Variants in IMPG2 observed in about 807,000 individuals in gnomAD.
The protein encoded by IMPG2 is IPM 200.
A neutral mutation model predicts 129.2 loss-of-function variants in IMPG2; 91 were observed. That is an observed-to-expected ratio of 0.70 (90% confidence interval 0.59 to 0.84). The LOEUF is 0.84. Ranked by LOEUF, IMPG2 falls within the 40% of genes least tolerant of loss-of-function variation. The probability of loss-of-function intolerance (pLI) is 0.00; values close to 1 mark genes in which losing one functional copy is unlikely to be tolerated. For missense variants in IMPG2, 1,430 were observed against 1,461.7 expected (o/e 0.98, Z 0.35); for synonymous variants, 510 against 517.7 (o/e 0.99, Z 0.20).
chr3:101,315,920 T>C (rs923993560), intron 2 of IMPG2, among the ~76,000 whole-genome samples: 2 of 150,606 alleles, frequency 1.3e-5, no homozygotes, highest in African/African-American at 5.0e-5. Flanking sequence ...CACTATGGTA[T>C]TGGCATAAAA....
At chr3:101,287,870 C>CA (rs1706964865) in intron 4 of IMPG2, among the ~76,000 whole-genome samples, 1 of 152,030 alleles carries the variant, frequency 6.6e-6, no homozygotes, top group African/African-American at 2.4e-5. Flanking sequence ...GCAATTGCAA[C>CA]AAAAACAAAA....
rs1706200114 is a variant in IMPG2 at position 101,224,460 on chromosome 3, T to C, written c.*2509A>G. On this transcript the variant is annotated 3_prime_UTR_variant, in exon 19 of 19. Coordinates refer to ENST00000193391, the MANE Select transcript of IMPG2 (RefSeq NM_016247.4). ...TATATTGCTAGGTTAAGAAGAACGT[T>C]CTAATACTCAGAAAATTTCATTCCT... The C allele has an allele frequency of 6.6e-6, 1 of 152,232 alleles. No homozygotes were observed. Among genetic ancestry groups the C allele is most frequent in the South Asian group, 2.1e-4 (1 of 4,838 alleles). 9.4% of individuals were successfully genotyped at this position (152,232 alleles called of 1,614,324 possible).
intron 8 of IMPG2, among the ~76,000 whole-genome samples, chr3:101,268,915 G>T (rs1329387606): frequency 3.9e-5 from 6 of 152,148 alleles, no homozygotes; most frequent in Non-Finnish European, 7.3e-5. Flanking sequence ...TCTTAAAAAT[G>T]AGTATTAATA....
At chr3:101,263,093 A>G (rs1042545202) in intron 9 of IMPG2, among the ~76,000 whole-genome samples, 2 of 152,094 alleles carry the variant, frequency 1.3e-5, no homozygotes, top group Non-Finnish European at 2.9e-5. Flanking sequence ...CCCCAATACA[A>G]TAACAGTTGA....
At chr3:101,242,236 GTAGA>G (rs969343304) in intron 14 of IMPG2, among the ~76,000 whole-genome samples, 12 of 152,160 alleles carry the variant, frequency 7.9e-5, no homozygotes, top group Non-Finnish European at 1.6e-4. Context: ...TGTCAAGTAA[GTAGA>G]TAGATATTGA....
At chr3:101,241,249 G>A (rs1373075888) in intron 14 of IMPG2, among the ~76,000 whole-genome samples, 1 of 152,164 alleles carries the variant, frequency 6.6e-6, no homozygotes, top group African/African-American at 2.4e-5. Context: ...AAACTGACAG[G>A]AAAGACTCAG....
chr3:101,246,001 T>C lies in IMPG2; in HGVS notation c.1344A>G (p.Glu448=). ...SSGPPSATGR[E]LWSESPLGDL... ...CACCCAAAGGACTTTCTGACCAGAG[T>C]TCCCTGCCAGTGGCTGAGGGAGGAC... The change falls in exon 12 of 19, where the codon GAA becomes GAG. Residue 448 remains glutamate (E), a synonymous_variant. Coordinates refer to ENST00000193391, the MANE Select transcript of IMPG2 (RefSeq NM_016247.4). The C allele has an allele frequency of 6.2e-7, 1 of 1,614,128 alleles. No individual in the cohort carries two copies. The highest frequency in any genetic ancestry group is 1.1e-5 in the South Asian group (1 of 91,076).
At position 101,244,200 on chromosome 3, in the gene IMPG2, C is replaced by G. The variant is rs776220900; in HGVS notation, c.2131G>C (p.Gly711Arg). 12 of 1,613,940 alleles carry G rather than the reference C, an allele frequency of 7.4e-6. No individual in the cohort carries two copies. Among genetic ancestry groups the G allele is most frequent in the East Asian group, 4.5e-5 (2 of 44,840 alleles). The change falls in exon 13 of 19, where the codon GGT (glycine) becomes CGT (arginine). Residue 711 changes from glycine to arginine, a missense_variant. Gly to Arg is a moderately radical substitution (Grantham distance 125, BLOSUM62 -2). Coordinates refer to ENST00000193391, the MANE Select transcript of IMPG2 (RefSeq NM_016247.4). The part of the protein sequence containing the change: ...TLPKHISEVP[G>R]VDDYSVTKAP... Reference sequence around the variant, plus strand: ...TTGGTAACTGAGTAATCATCAACACCAGGTACTTCTGATATGTGCTTGGGG... The same window carrying G: ...TTGGTAACTGAGTAATCATCAACACGAGGTACTTCTGATATGTGCTTGGGG...
chr3:101,233,423 A>G (rs111479878), intron 14 of IMPG2, among the ~76,000 whole-genome samples: 2,835 of 152,268 alleles, frequency 0.019, 84 homozygotes, highest in African/African-American at 0.065. Flanking sequence ...TGCCTTGCAC[A>G]ACACTGAGAA....
chr3:101,269,204 G>T (rs16843585), intron 8 of IMPG2, among the ~76,000 whole-genome samples: 1 of 24,022 alleles, frequency 4.2e-5, no homozygotes, highest in East Asian at 0.033. Flanking sequence ...GCCACATCTC[G>T]TCTGCCTCCT....
At chr3:101,275,850 T>C in intron 5 of IMPG2, 105 bp from the exon 6 acceptor site, 1 of 840,376 alleles carries the variant, frequency 1.2e-6, no homozygotes, top group Non-Finnish European at 2.0e-6. Context: ...CTATAAATAG[T>C]TTGTTTTATT....
At chr3:101,282,611 A>G (rs954209115) in intron 4 of IMPG2, among the ~76,000 whole-genome samples, 2 of 152,150 alleles carry the variant, frequency 1.3e-5, no homozygotes, top group Non-Finnish European at 2.9e-5. Flanking sequence ...CAACATGATT[A>G]ATATATTAAG....
At chr3:101,278,005 C>T (rs1706856197) in intron 4 of IMPG2, among the ~76,000 whole-genome samples, 1 of 152,242 alleles carries the variant, frequency 6.6e-6, no homozygotes, top group South Asian at 2.1e-4. Flanking sequence ...GAGGTCCAGG[C>T]GGGTCAATCA....
intron 11 of IMPG2, among the ~76,000 whole-genome samples, chr3:101,247,040 G>A (rs1264753334): frequency 6.6e-6 from 1 of 151,734 alleles, no homozygotes; most frequent in Non-Finnish European, 1.5e-5. Flanking sequence ...AGACTACCAT[G>A]AGCTAAGATC....
In IMPG2 at chr3:101,231,198, C is replaced by CAATT. The variant is rs1706282956; in HGVS notation, c.3234-57_3234-54dup. ...ATCTGAATCACTCTGCTCACACTGA[C>CAATT]AATTAACAGCAGAACCTTCTGAGGG... On this transcript the variant is annotated intron_variant, in intron 15 of 18. Coordinates refer to ENST00000193391, the MANE Select transcript of IMPG2 (RefSeq NM_016247.4). 2.0e-6 allele frequency: 3 copies of CAATT among 1,529,892 alleles called. No individual in the cohort carries two copies. In the Admixed American group the frequency reaches 5.0e-5, roughly 26 times the overall value. The allele number at this position is 1,529,892 out of a possible 1,614,324, so 94.8% of individuals were successfully genotyped here. A position where few individuals can be genotyped will look rare whatever the true frequency, so the allele number is the denominator to read the frequency against.
chr3:101,256,207 A>AAGAAAG (rs1333081745), intron 10 of IMPG2, among the ~76,000 whole-genome samples: 1 of 150,982 alleles, frequency 6.6e-6, no homozygotes, highest in African/African-American at 2.4e-5. Context: ...GAAAGAAAGA[A>AAGAAAG]AGAAAGAAAG....
In IMPG2 at chr3:101,231,134, C is replaced by T. The variant is rs1706281773; in HGVS notation, c.3245G>A (p.Gly1082Asp). The T allele has an allele frequency of 1.2e-6, 2 of 1,614,054 alleles. No homozygotes were observed. The highest frequency in any genetic ancestry group is 1.7e-6 in the Non-Finnish European group (2 of 1,180,008). The stretch of plus-strand genomic sequence containing the variant: ...CTTGCCTCGGTACCACCAGTTCTCA[C>T]CCACCCGGCACCTGCAACCAACAGT... Reference protein sequence around the residue: ...GHGAICRCRVGENWWYRGKHC... With the variant: ...GHGAICRCRVDENWWYRGKHC... The change falls in exon 16 of 19, where the codon GGT becomes GAT. Residue 1082 changes from glycine (G) to aspartate (D), a missense_variant. Coordinates refer to ENST00000193391, the MANE Select transcript of IMPG2 (RefSeq NM_016247.4).
intron 2 of IMPG2, among the ~76,000 whole-genome samples, chr3:101,312,163 C>CA (rs1242706686): frequency 2.0e-5 from 3 of 151,710 alleles, no homozygotes; most frequent in South Asian, 2.1e-4. Flanking sequence ...ACCAAAGGCT[C>CA]AAAAAAATAG....
chr3:101,238,075 T>C (rs548097149), intron 14 of IMPG2, among the ~76,000 whole-genome samples: 2 of 151,868 alleles, frequency 1.3e-5, no homozygotes, highest in African/African-American at 4.8e-5. Flanking sequence ...TTGTGAAGCA[T>C]ACACAAGTAT....
Sources: allele counts gnomAD v4.1 joint callset (sites outside exome capture counted in the v4.1 genomes callset), GRCh38; gene constraint gnomAD v4.1.1; transcripts MANE v1.5; gene names NCBI Gene and HGNC (gene_info 2026-07-23, HGNC 2026-07-21).